The following WDR49 variants were observed in gnomAD, a reference collection of about 807,000 sequenced individuals.
The protein encoded by WDR49 is cilia- and flagella-associated protein 337.
Under a neutral mutation model 119.5 loss-of-function variants are expected in WDR49, and 107 were observed. That is an observed-to-expected ratio of 0.90 (90% confidence interval 0.77 to 1.05). The LOEUF (loss-of-function observed/expected upper bound fraction) is 1.05, where lower values mean the gene tolerates loss of function less well. Among genes scored for constraint, WDR49 ranks in the 50% least tolerant of loss-of-function variants. WDR49 has a pLI of 0.00. For missense variants in WDR49, 1,240 were observed against 1,220.5 expected, an observed-to-expected ratio of 1.02 and a Z score of -0.24; for synonymous variants, 425 against 418.8, an observed-to-expected ratio of 1.01 and a Z score of -0.18.
intron 18 of WDR49, among the ~76,000 whole-genome samples, chr3:167,491,537 C>T (rs1198758545): frequency 6.6e-6 from 1 of 152,076 alleles, no homozygotes; most frequent in African/African-American, 2.4e-5. Flanking sequence ...GAACTTTCTC[C>T]GTATTGCAGT....
At chr3:167,566,809 A>G in intron 8 of WDR49, 1 of 624,060 alleles carries the variant, frequency 1.6e-6, no homozygotes, top group Non-Finnish European at 2.9e-6. Context: ...GAAAATTATA[A>G]GAAAGAGAAA....
At chr3:167,598,566 C>A (rs912632149) in intron 7 of WDR49, among the ~76,000 whole-genome samples, 1 of 152,302 alleles carries the variant, frequency 6.6e-6, no homozygotes, top group Non-Finnish European at 1.5e-5. Context: ...CTTTCTCCTG[C>A]TGCCATGAAA....
chr3:167,615,050 T>C (rs11928229), intron 5 of WDR49, among the ~76,000 whole-genome samples: 1,880 of 152,372 alleles, frequency 0.012, 33 homozygotes, highest in African/African-American at 0.043. Context: ...CTGTCTTTTC[T>C]CGTATTGAAA....
chr3:167,557,465 T>C (rs1713002049), intron 9 of WDR49, among the ~76,000 whole-genome samples: 1 of 152,204 alleles, frequency 6.6e-6, no homozygotes, highest in African/African-American at 2.4e-5. Flanking sequence ...ATCTATGCAG[T>C]AGCATATAAT....
intron 7 of WDR49, among the ~76,000 whole-genome samples, chr3:167,595,020 T>C (rs1328468340): frequency 6.7e-6 from 1 of 149,402 alleles, no homozygotes; most frequent in Non-Finnish European, 1.5e-5. Flanking sequence ...TTCAGCAAAG[T>C]CTCAGGATAC....
intron 16 of WDR49, among the ~76,000 whole-genome samples, chr3:167,512,072 G>A (rs536060336): frequency 1.3e-4 from 20 of 152,250 alleles, no homozygotes; most frequent in South Asian, 1.0e-3. Flanking sequence ...TGGAATTCCC[G>A]CCAGGGCAGC....
At chr3:167,493,962 C>T (rs1035680859) in intron 18 of WDR49, among the ~76,000 whole-genome samples, 1 of 152,142 alleles carries the variant, frequency 6.6e-6, no homozygotes. Flanking sequence ...GAAGACTGAT[C>T]GGCATACATG....
intron 10 of WDR49, among the ~76,000 whole-genome samples, chr3:167,549,214 G>T (rs193064898): frequency 1.8e-3 from 272 of 152,284 alleles, no homozygotes; most frequent in South Asian, 0.015. Context: ...GCCCAGTAAT[G>T]GGATGGCTGG....
At chr3:167,652,623 A>C (rs1288275452) in intron 2 of WDR49, among the ~76,000 whole-genome samples, 2 of 152,324 alleles carry the variant, frequency 1.3e-5, no homozygotes, top group South Asian at 4.1e-4. Context: ...AGAGAGAAGA[A>C]AATTATTCAT....
At chr3:167,629,220 C>T (rs1717260351) in intron 2 of WDR49, among the ~76,000 whole-genome samples, 1 of 152,056 alleles carries the variant, frequency 6.6e-6, no homozygotes, top group Non-Finnish European at 1.5e-5. Context: ...CCACTGCACT[C>T]CAGCCTGGGC....
intron 9 of WDR49, among the ~76,000 whole-genome samples, chr3:167,558,849 A>G (rs1183345334): frequency 6.6e-6 from 1 of 152,162 alleles, no homozygotes; most frequent in Non-Finnish European, 1.5e-5. Context: ...GCATTCTCAC[A>G]CCCCAGGACT....
Position 167,584,569 on chromosome 3 carries a change from A to ATAT in WDR49, c.1276-8421_1276-8419dup, listed in dbSNP as rs774487422. 8.5e-5 allele frequency among the ~76,000 whole-genome samples: 13 copies of ATAT among 152,294 alleles called. No individual in the cohort carries two copies. The East Asian group carries it at 1.9e-3, about 23-fold the overall frequency. The stretch of plus-strand genomic sequence containing the variant: ...AAAAAGAGAATGGTTAAACCATCGT[A>ATAT]TATTAGCATAGGAAAAGACAAGTAA... On this transcript the variant is annotated intron_variant, in intron 7 of 18. Coordinates refer to ENST00000682715, the MANE Select transcript of WDR49 (RefSeq NM_001366157.1).
At chr3:167,613,357 C>T (rs1384570230) in intron 5 of WDR49, among the ~76,000 whole-genome samples, 1 of 152,174 alleles carries the variant, frequency 6.6e-6, no homozygotes, top group South Asian at 2.1e-4. Context: ...GAATCTTATT[C>T]TTCTACCATG....
At chr3:167,503,188 C>A (rs1181312126) in intron 17 of WDR49, among the ~76,000 whole-genome samples, 2 of 152,234 alleles carry the variant, frequency 1.3e-5, no homozygotes, top group Non-Finnish European at 2.9e-5. Flanking sequence ...GGTGTTAAGC[C>A]TGCAGGTACA....
chr3:167,611,179 A>C (rs1207132136), intron 5 of WDR49, among the ~76,000 whole-genome samples: 1 of 152,206 alleles, frequency 6.6e-6, no homozygotes, highest in Non-Finnish European at 1.5e-5. Flanking sequence ...TAGAAACAAC[A>C]AAAAGATAAA....
intron 7 of WDR49, among the ~76,000 whole-genome samples, chr3:167,598,615 T>G (rs567856360): frequency 1.3e-5 from 2 of 152,338 alleles, no homozygotes; most frequent in Middle Eastern, 3.4e-3. Flanking sequence ...ACCATGATTG[T>G]AAGCTTCCTG....
At chr3:167,603,757 C>CT (rs1174357175) in intron 6 of WDR49, among the ~76,000 whole-genome samples, 1 of 152,048 alleles carries the variant, frequency 6.6e-6, no homozygotes, top group Non-Finnish European at 1.5e-5. Flanking sequence ...TTAAAATAAA[C>CT]TTTTTTTACA....
At chr3:167,531,072 G>A (rs1752834291) in intron 13 of WDR49, 43 bp downstream of exon 13, 2 of 1,573,558 alleles carry the variant, frequency 1.3e-6, no homozygotes, top group East Asian at 2.3e-5. Context: ...TTTCTTTATT[G>A]CTCCCTTTCC....
chr3:167,551,242 GA>G (rs1281116913), intron 10 of WDR49, among the ~76,000 whole-genome samples: 5 of 151,958 alleles, frequency 3.3e-5, no homozygotes, highest in Admixed American at 6.6e-5. Context: ...GGATGCCCTT[GA>G]AACAGGAATC....
Sources: allele counts gnomAD v4.1 joint callset (sites outside exome capture counted in the v4.1 genomes callset), GRCh38; gene constraint gnomAD v4.1.1; transcripts MANE v1.5; gene names NCBI Gene and HGNC (gene_info 2026-07-23, HGNC 2026-07-21).